The following FERMT2 variants were observed in gnomAD, a reference collection of about 807,000 sequenced individuals.
The protein encoded by FERMT2 is FERM domain containing kindlin 2, also known as fermitin family homolog 2.
In FERMT2, 15 loss-of-function variants were observed where a neutral mutation model predicts 82.7. The ratio of observed to expected loss-of-function variants is 0.18; its 90% confidence interval spans 0.12 to 0.28. FERMT2 has a LOEUF of 0.28. Ranked by LOEUF, FERMT2 falls within the 10% of genes least tolerant of loss-of-function variation. FERMT2 has a pLI of 1.00. For missense variants in FERMT2, 645 were observed against 809.4 expected (o/e 0.80, Z 2.46); for synonymous variants, 274 against 271.5 (o/e 1.01, Z -0.09).
intron 12 of FERMT2, chr14:52,861,075 G>GAA: frequency 5.6e-6 from 8 of 1,440,332 alleles, no homozygotes; most frequent in African/African-American, 1.5e-5. Flanking sequence ...GAAGCAGAAA[G>GAA]AAAAAAAAAG....
At chr14:52,878,518 C>T in intron 7 of FERMT2, 64 bp downstream of exon 7, 1 of 998,756 alleles carries the variant, frequency 1.0e-6, no homozygotes, top group Non-Finnish European at 1.5e-6. Context: ...TTCCACTTTA[C>T]TGTTTAAAAA....
At position 52,940,948 on chromosome 14, in the gene FERMT2, T is replaced by C. The variant is rs141544374; in HGVS notation, c.157+9464A>G. 9.2e-3 allele frequency among the ~76,000 whole-genome samples: 1,404 copies of C among 152,272 alleles called. 21 individuals carry two copies. Among genetic ancestry groups the C allele is most frequent in the African/African-American group, 0.032 (1,320 of 41,558 alleles). ...TGGCAGTTTCTTCTAACTTCAAGCATATACTTACTATACCACCCAGCAATC... is the reference window on the plus strand; with the variant it reads ...TGGCAGTTTCTTCTAACTTCAAGCACATACTTACTATACCACCCAGCAATC... On this transcript the variant is annotated intron_variant, in intron 2 of 14. Transcript: ENST00000341590.
At chr14:52,950,365 C>T (rs1434082450) in intron 2 of FERMT2, 47 bp downstream of exon 2, 1 of 1,590,376 alleles carries the variant, frequency 6.3e-7, no homozygotes, top group East Asian at 2.3e-5. Flanking sequence ...CCTCCCCCTA[C>T]CAATTCTGGG....
At chr14:52,948,305 T>C (rs563865120) in intron 2 of FERMT2, among the ~76,000 whole-genome samples, 1 of 152,400 alleles carries the variant, frequency 6.6e-6, no homozygotes, top group Admixed American at 6.5e-5. Context: ...AGTTCTTTTC[T>C]AATTTGACTA....
intron 3 of FERMT2, among the ~76,000 whole-genome samples, chr14:52,903,277 C>T (rs576715840): frequency 2.0e-5 from 3 of 152,188 alleles, no homozygotes; most frequent in Admixed American, 2.0e-4. Context: ...GTGACTCATG[C>T]CTGTAATCTC....
intron 2 of FERMT2, among the ~76,000 whole-genome samples, chr14:52,930,407 A>G (rs1157719577): frequency 6.6e-6 from 1 of 152,230 alleles, no homozygotes; most frequent in Non-Finnish European, 1.5e-5. Flanking sequence ...AACCTGACCT[A>G]TATGACTAGC....
intron 2 of FERMT2, among the ~76,000 whole-genome samples, chr14:52,927,030 A>G (rs1889312076): frequency 6.6e-6 from 1 of 152,186 alleles, no homozygotes; most frequent in African/African-American, 2.4e-5. Context: ...TCAAACTCCT[A>G]TCATTAACAT....
chr14:52,930,100 A>C (rs540293241), intron 2 of FERMT2, among the ~76,000 whole-genome samples: 1 of 152,228 alleles, frequency 6.6e-6, no homozygotes, highest in African/African-American at 2.4e-5. Flanking sequence ...ATTTACTAAT[A>C]CAAGTTGTAT....
intron 2 of FERMT2, 130 bp downstream of exon 2, chr14:52,950,282 T>C (rs1890565933): frequency 1.1e-6 from 1 of 875,632 alleles, no homozygotes; most frequent in Non-Finnish European, 1.8e-6. Context: ...CTGAAAGATT[T>C]TACATCTCCA....
chr14:52,946,759 G>T (rs138744956), intron 2 of FERMT2, among the ~76,000 whole-genome samples: 1 of 151,792 alleles, frequency 6.6e-6, no homozygotes, highest in South Asian at 2.1e-4. Context: ...TGCAACCTCC[G>T]CCTCCCAGGT....
At chr14:52,919,030 C>T in intron 3 of FERMT2, 93 bp downstream of exon 3, 1 of 814,136 alleles carries the variant, frequency 1.2e-6, no homozygotes, top group Admixed American at 2.2e-5. Flanking sequence ...ATAGTTCAGC[C>T]CATGCCCCAT....
chr14:52,902,075 G>C (rs1887684650), intron 3 of FERMT2, among the ~76,000 whole-genome samples: 1 of 151,556 alleles, frequency 6.6e-6, no homozygotes, highest in African/African-American at 2.4e-5. Context: ...ATGACATCTA[G>C]AAGAGATAAA....
chr14:52,884,098 G>C (rs1190398951), intron 4 of FERMT2, among the ~76,000 whole-genome samples: 1 of 152,154 alleles, frequency 6.6e-6, no homozygotes, highest in African/African-American at 2.4e-5. Flanking sequence ...ACCCAAATCT[G>C]CGTTTCAACT....
At chr14:52,903,363 C>T (rs1239112839) in intron 3 of FERMT2, among the ~76,000 whole-genome samples, 1 of 151,922 alleles carries the variant, frequency 6.6e-6, no homozygotes, top group Non-Finnish European at 1.5e-5. Context: ...CATAGTGATA[C>T]CCCATCTCTA....
intron 12 of FERMT2, chr14:52,863,546 C>T (rs1566715867): frequency 6.6e-6 from 1 of 152,046 alleles, no homozygotes; most frequent in African/African-American, 2.4e-5. Flanking sequence ...TATGTTGTAC[C>T]AAAGAACCAT....
At chr14:52,872,745 A>T in intron 10 of FERMT2, 54 bp downstream of exon 10, 1 of 1,590,418 alleles carries the variant, frequency 6.3e-7, no homozygotes, top group Non-Finnish European at 8.6e-7. Context: ...CTCATTGACT[A>T]TTAGGCCAAT....
chr14:52,871,683 C>A (rs751203446), intron 10 of FERMT2: 1 of 152,240 alleles, frequency 6.6e-6, no homozygotes, highest in African/African-American at 2.4e-5. Flanking sequence ...GGTCATAGAC[C>A]TTACTGAAGA....
intron 4 of FERMT2, among the ~76,000 whole-genome samples, chr14:52,885,099 G>A (rs1316870786): frequency 6.6e-6 from 1 of 151,978 alleles, no homozygotes; most frequent in Non-Finnish European, 1.5e-5. Flanking sequence ...GATCACCTGA[G>A]GTTAGGAGTT....
Position 52,858,487 on chromosome 14 carries a change from C to T in FERMT2, c.1933G>A (p.Val645Met). 1 of 1,614,168 alleles carries T rather than the reference C, an allele frequency of 6.2e-7. No individual in the cohort carries two copies. The highest frequency in any genetic ancestry group is 8.5e-7 in the Non-Finnish European group (1 of 1,180,002). Residue 645 changes from valine (V) to methionine (M), a missense_variant, in exon 15 of 15, where the codon GTG becomes ATG. Physicochemically the swap from Val to Met is conservative, Grantham distance 21. Transcript: ENST00000341590. ...TAGCCACCAATGAATTCATGAACCA[C>T]TTTGCAATCTACTTCAGTACAAATG... is the stretch of plus-strand genomic sequence containing the variant. ...SFICTEVDCK[V>M]VHEFIGGYIF...
Sources: allele counts gnomAD v4.1 joint callset (sites outside exome capture counted in the v4.1 genomes callset), GRCh38; gene constraint gnomAD v4.1.1; transcripts MANE v1.5; gene names NCBI Gene and HGNC (gene_info 2026-07-23, HGNC 2026-07-21).